Variants in NGEF observed in about 807,000 individuals in gnomAD.
NGEF encodes the protein neuronal guanine nucleotide exchange factor.
In NGEF, 31 loss-of-function variants were observed where a neutral mutation model predicts 80.9. The observed-to-expected ratio is 0.38, with a 90% CI of 0.29 to 0.52. The LOEUF (loss-of-function observed/expected upper bound fraction) is 0.52, where lower values mean the gene tolerates loss of function less well. Ranked by LOEUF, NGEF falls within the 20% of genes least tolerant of loss-of-function variation. The probability of loss-of-function intolerance (pLI) is 0.84; values close to 1 mark genes in which losing one functional copy is unlikely to be tolerated. For synonymous variants in NGEF, 371 were observed against 370.2 expected (o/e 1.00, Z -0.03); for missense variants, 709 against 926.2 (o/e 0.77, Z 3.04).
intron 4 of NGEF, among the ~76,000 whole-genome samples, chr2:232,923,313 A>T (rs149570230): frequency 2.4e-3 from 365 of 152,286 alleles, no homozygotes; most frequent in African/African-American, 8.1e-3. Flanking sequence ...AAGTCACCCC[A>T]TGGCAGACGC....
At position 232,974,679 on chromosome 2, in the gene NGEF, C is replaced by G. The variant is rs764807480; in HGVS notation, c.212G>C (p.Arg71Pro). The change falls in exon 2 of 15, where the codon CGC (arginine) becomes CCC (proline). Residue 71 changes from arginine to proline, a missense_variant. Coordinates refer to ENST00000264051, the MANE Select transcript of NGEF (RefSeq NM_019850.3). ...GTCTCTGGCCTTGGCTTTGCTTTTGCGTCTTATGGAGCGATTGAAGATGGA... is the reference window on the plus strand; with the variant it reads ...GTCTCTGGCCTTGGCTTTGCTTTTGGGTCTTATGGAGCGATTGAAGATGGA... The part of the protein sequence containing the change: ...RNSIFNRSIR[R>P]KSKAKARDNP... 5.6e-6 allele frequency: 9 copies of G among 1,614,072 alleles called. No homozygotes were observed. In the African/African-American group the frequency reaches 1.2e-4, roughly 22 times the overall value.
At chr2:232,982,712 C>T (rs1694458846) in intron 1 of NGEF, among the ~76,000 whole-genome samples, 1 of 152,238 alleles carries the variant, frequency 6.6e-6, no homozygotes. Context: ...CAGTGTTTCA[C>T]CATGTTAGTC....
intron 4 of NGEF, among the ~76,000 whole-genome samples, chr2:232,922,120 G>T (rs143600296): frequency 5.8e-4 from 88 of 152,316 alleles, no homozygotes; most frequent in African/African-American, 2.0e-3. Context: ...ATGAGACAAA[G>T]ATGATTCCCA....
At chr2:232,914,935 T>C (rs1692763685) in intron 5 of NGEF, among the ~76,000 whole-genome samples, 1 of 150,012 alleles carries the variant, frequency 6.7e-6, no homozygotes, top group Admixed American at 6.7e-5. Flanking sequence ...AAGAATCGCT[T>C]GAGCCTGGGA....
At chr2:232,961,237 C>T (rs11678851) in intron 3 of NGEF, among the ~76,000 whole-genome samples, 59,574 of 151,946 alleles carry the variant, frequency 0.39, 12,584 homozygotes, top group East Asian at 0.73. Flanking sequence ...TAGCCCCCAC[C>T]GTTCTTATCT....
intron 3 of NGEF, among the ~76,000 whole-genome samples, chr2:232,960,256 G>A (rs751988356): frequency 2.0e-5 from 3 of 152,170 alleles, no homozygotes; most frequent in Non-Finnish European, 4.4e-5. Context: ...CATATATTTA[G>A]CAATGTGGCA....
intron 5 of NGEF, among the ~76,000 whole-genome samples, chr2:232,907,761 TTA>T (rs1692602200): frequency 6.6e-6 from 1 of 152,208 alleles, no homozygotes; most frequent in South Asian, 2.1e-4. Context: ...TTTAAAAACT[TTA>T]TATATCTTGA....
intron 1 of NGEF, among the ~76,000 whole-genome samples, chr2:232,989,614 C>T (rs1414989211): frequency 6.6e-6 from 1 of 152,100 alleles, no homozygotes; most frequent in Non-Finnish European, 1.5e-5. Context: ...GGACAACAAA[C>T]CTCCAAGACC....
intron 1 of NGEF, among the ~76,000 whole-genome samples, chr2:232,976,030 G>C (rs967771463): frequency 6.6e-6 from 1 of 152,096 alleles, no homozygotes; most frequent in African/African-American, 2.4e-5. Flanking sequence ...GAGAAACCCT[G>C]TCTCTACTAA....
At chr2:232,915,259 C>A (rs921189429) in intron 5 of NGEF, among the ~76,000 whole-genome samples, 1 of 152,038 alleles carries the variant, frequency 6.6e-6, no homozygotes, top group Non-Finnish European at 1.5e-5. Context: ...GAAAATCATT[C>A]ATCTGTTTTT....
At position 232,892,870 on chromosome 2, in the gene NGEF, C is replaced by A. The variant is rs202130175; in HGVS notation, c.1142+28G>T. ...GGCTGCCCCGGGCACCTCCCCCTGC[C>A]CCTGAGCCCCTTGCCGGATACACTC... On this transcript the variant is annotated intron_variant, in intron 7 of 14. Transcript: ENST00000264051. The surrounding 1 kb of genome is among the most constrained non-coding windows in gnomAD (Gnocchi z 4.0). The A allele has an allele frequency of 4.3e-4, 687 of 1,607,676 alleles. No homozygotes were observed. Among genetic ancestry groups the A allele is most frequent in the Middle Eastern group, 1.0e-3 (6 of 6,000 alleles).
chr2:233,004,798 C>T (rs189020718), intron 1 of NGEF, among the ~76,000 whole-genome samples: 1 of 152,206 alleles, frequency 6.6e-6, no homozygotes, highest in Admixed American at 6.5e-5. Flanking sequence ...CTTCCTCATC[C>T]TGCTGGGGGC....
chr2:232,999,712 G>A (rs899600706), intron 1 of NGEF, among the ~76,000 whole-genome samples: 4 of 152,226 alleles, frequency 2.6e-5, no homozygotes, highest in African/African-American at 9.6e-5. Context: ...AGGAGGGCCA[G>A]GGCTGCTGAG....
chr2:233,000,323 C>T (rs1278657666), intron 1 of NGEF, among the ~76,000 whole-genome samples: 2 of 152,168 alleles, frequency 1.3e-5, no homozygotes, highest in African/African-American at 2.4e-5. Context: ...TCTTGAACTC[C>T]TGGGCTCAAG....
intron 5 of NGEF, among the ~76,000 whole-genome samples, chr2:232,908,138 A>G (rs1363171802): frequency 1.3e-5 from 2 of 152,086 alleles, no homozygotes; most frequent in Non-Finnish European, 2.9e-5. Flanking sequence ...AACAAATAAA[A>G]TGTTTGCGTC....
chr2:232,970,090 G>A lies in NGEF; in HGVS notation c.383+124C>T, dbSNP rs1253156140. 1.3e-5 allele frequency: 6 copies of A among 457,440 alleles called. No individual in the cohort carries two copies. In the Admixed American group the frequency reaches 2.2e-4, roughly 17 times the overall value. The allele number at this position is 457,440 out of a possible 1,614,324, so 28.3% of individuals were successfully genotyped here. A position where few individuals can be genotyped will look rare whatever the true frequency, so the allele number is the denominator to read the frequency against. On this transcript the variant is annotated intron_variant, in intron 3 of 14. Transcript: ENST00000264051. ...TTATTTATTTATTTTTTTAGCACGG[G>A]CAACCAAAAGTTATTATTATTTTTT...
At chr2:232,946,529 C>A (rs368242497) in intron 3 of NGEF, among the ~76,000 whole-genome samples, 1 of 152,202 alleles carries the variant, frequency 6.6e-6, no homozygotes, top group East Asian at 1.9e-4. Flanking sequence ...TGAACTCACA[C>A]GCACACATAC....
intron 3 of NGEF, among the ~76,000 whole-genome samples, chr2:232,928,853 G>GCGCCTT (rs1344407181): frequency 6.6e-6 from 1 of 152,216 alleles, no homozygotes; most frequent in East Asian, 1.9e-4. Context: ...CCTGGACTCT[G>GCGCCTT]CGCCTTCGCG....
intron 4 of NGEF, among the ~76,000 whole-genome samples, chr2:232,924,509 A>C (rs745614900): frequency 7.9e-5 from 12 of 152,158 alleles, no homozygotes; most frequent in Non-Finnish European, 1.5e-4. Flanking sequence ...AAGGAGAGTA[A>C]GGGCACATCT....
Sources: gnomAD v4.1 joint callset for allele counts (sites outside exome capture counted in the v4.1 genomes callset) on GRCh38, gnomAD v4.1.1 for gene constraint, Gnocchi (gnomAD v3.1) non-coding constraint, MANE v1.5 for transcripts, NCBI Gene and HGNC (gene_info 2026-07-23, HGNC 2026-07-21) for gene names.